Variants in SCAF8 observed in about 807,000 individuals in gnomAD.
SCAF8 encodes the protein SR-related and CTD-associated factor 8.
A neutral mutation model predicts 140.5 loss-of-function variants in SCAF8; 23 were observed. The ratio of observed to expected loss-of-function variants is 0.16; its 90% CI spans 0.12 to 0.23. SCAF8 has a LOEUF of 0.23. SCAF8 is among the 10% of genes least tolerant of loss of function. SCAF8 has a pLI of 1.00. For synonymous variants in SCAF8, 575 were observed against 528.9 expected (o/e 1.09, Z -1.20); for missense variants, 1,397 against 1,555.7 (o/e 0.90, Z 1.72).
intron 6 of SCAF8, among the ~76,000 whole-genome samples, chr6:154,798,735 T>C (rs1777681925): frequency 6.6e-6 from 1 of 151,374 alleles, no homozygotes; most frequent in African/African-American, 2.4e-5. Context: ...TGAGAGTTCA[T>C]GCAACTCCTC....
intron 12 of SCAF8, among the ~76,000 whole-genome samples, 157 bp downstream of exon 12, chr6:154,810,365 G>C (rs1778055029): frequency 6.6e-6 from 1 of 151,978 alleles, no homozygotes; most frequent in African/African-American, 2.4e-5. Flanking sequence ...TGATAGAGAA[G>C]AGAAGAAGAA....
chr6:154,755,582 T>C (rs1778947756), intron 1 of SCAF8, among the ~76,000 whole-genome samples: 1 of 152,222 alleles, frequency 6.6e-6, no homozygotes, highest in Admixed American at 6.5e-5. Flanking sequence ...GTGATATTGC[T>C]TGAATCATTT....
chr6:154,758,570 C>A (rs1389012936), intron 1 of SCAF8, among the ~76,000 whole-genome samples: 4 of 152,202 alleles, frequency 2.6e-5, no homozygotes, highest in Non-Finnish European at 5.9e-5. Context: ...TCTTCTCTTT[C>A]TCTTTCTAGG....
At chr6:154,804,036 A>G (rs1471487687) in intron 8 of SCAF8, among the ~76,000 whole-genome samples, 2 of 147,968 alleles carry the variant, frequency 1.4e-5, no homozygotes, top group African/African-American at 2.5e-5. Flanking sequence ...AGTTATGAGG[A>G]TTTTTTTTTT....
At chr6:154,816,486 ATTGTTCTT>A (rs1178912831) in intron 13 of SCAF8, among the ~76,000 whole-genome samples, 1 of 146,638 alleles carries the variant, frequency 6.8e-6, no homozygotes, top group Non-Finnish European at 1.5e-5. Context: ...AGCTATTTTA[ATTGTTCTT>A]TTATTTAAAA....
In SCAF8 at chr6:154,824,348, G is replaced by A; in HGVS notation, c.2041G>A (p.Ala681Thr). The A allele has an allele frequency of 6.2e-7, 1 of 1,613,894 alleles. No homozygotes were observed. The highest frequency in any genetic ancestry group is 8.5e-7 in the Non-Finnish European group (1 of 1,179,826). ...AATCCCTCCACCTCCTTTTTTAAGA[G>A]CAAGTTTTAACCCTTCACAACCACC... is the stretch of plus-strand genomic sequence containing the variant. ...SPIPPPPFLR[A>T]SFNPSQPPPG... The change falls in exon 17 of 20, where the codon GCA becomes ACA. Residue 681 changes from alanine to threonine, a missense_variant. Ala to Thr is a moderately conservative substitution (Grantham distance 58). This residue lies in a region of SCAF8 where 930 missense variants were observed against 874.6 expected (regional missense o/e 1.06). Coordinates refer to ENST00000367178, the MANE Select transcript of SCAF8 (RefSeq NM_014892.5).
chr6:154,783,500 A>G (rs896480411), intron 3 of SCAF8, among the ~76,000 whole-genome samples: 4 of 152,162 alleles, frequency 2.6e-5, no homozygotes, highest in African/African-American at 4.8e-5. Context: ...TTCCTGCTAC[A>G]TATTTAGTAA....
chr6:154,768,638 A>G (rs1776650720), intron 1 of SCAF8, among the ~76,000 whole-genome samples: 1 of 152,236 alleles, frequency 6.6e-6, no homozygotes, highest in Non-Finnish European at 1.5e-5. Flanking sequence ...ACTAGTATCT[A>G]CATATATTGT....
rs550321620 is a variant in SCAF8, at chr6:154,816,870, TTAAG to T, written c.1521+1058_1521+1061del. Among the ~76,000 whole-genome samples the T allele has an allele frequency of 4.6e-3, 702 of 152,292 alleles. 8 individuals carry two copies. Among genetic ancestry groups the T allele is most frequent in the African/African-American group, 0.016 (663 of 41,558 alleles). On this transcript the variant is annotated intron_variant, in intron 13 of 19. Coordinates refer to ENST00000367178, the MANE Select transcript of SCAF8 (RefSeq NM_014892.5). ...TTTTTGGAGCCTCATAAGAAGCTGG[TTAAG>T]TAATTCAAATACTGTTGTTTTCTAA...
At chr6:154,794,534 T>C (rs940032687) in intron 5 of SCAF8, among the ~76,000 whole-genome samples, 2 of 150,648 alleles carry the variant, frequency 1.3e-5, no homozygotes, top group African/African-American at 4.8e-5. Context: ...GTATAGTTTA[T>C]TATTAGTTAG....
rs1369614162 is a variant in SCAF8, at chr6:154,822,304, T to C, written c.1821T>C (p.Pro607=). The C allele has an allele frequency of 8.7e-6, 14 of 1,612,876 alleles. No homozygotes were observed. Among genetic ancestry groups the C allele is most frequent in the Non-Finnish European group, 1.2e-5 (14 of 1,179,362 alleles). The change falls in exon 16 of 20, where the codon CCT becomes CCC. Residue 607 remains proline (P), a synonymous_variant. Coordinates refer to ENST00000367178, the MANE Select transcript of SCAF8 (RefSeq NM_014892.5). ...GGGAAACTGTGAAAAGCTCAGAACCTGTTAAAGAGACGGTCCAGACAACTC... is the reference window on the plus strand; with the variant it reads ...GGGAAACTGTGAAAAGCTCAGAACCCGTTAAAGAGACGGTCCAGACAACTC... The part of the protein sequence containing the change: ...TEWETVKSSE[P]VKETVQTTQS...
intron 17 of SCAF8, among the ~76,000 whole-genome samples, chr6:154,825,693 C>T (rs1041335654): frequency 1.4e-5 from 2 of 145,326 alleles, no homozygotes; most frequent in African/African-American, 5.1e-5. Flanking sequence ...ATTATTAGAC[C>T]ATGGGAGGTT....
chr6:154,746,725 A>C (rs1048525354), intron 1 of SCAF8, among the ~76,000 whole-genome samples: 2 of 152,234 alleles, frequency 1.3e-5, no homozygotes, highest in African/African-American at 4.8e-5. Flanking sequence ...TGTAGTTAAA[A>C]TACTATGTAC....
chr6:154,799,514 C>T (rs925576577), intron 6 of SCAF8, among the ~76,000 whole-genome samples: 1 of 151,326 alleles, frequency 6.6e-6, no homozygotes, highest in African/African-American at 2.4e-5. Context: ...TCATAGACTT[C>T]TCTAACTAAT....
At chr6:154,771,893 A>G (rs904564828) in intron 1 of SCAF8, among the ~76,000 whole-genome samples, 7 of 152,098 alleles carry the variant, frequency 4.6e-5, no homozygotes, top group African/African-American at 1.2e-4. Flanking sequence ...TTGGGGGGGA[A>G]AAAAAGAAAA....
intron 10 of SCAF8, 81 bp downstream of exon 10, chr6:154,808,282 C>T: frequency 7.5e-7 from 1 of 1,328,026 alleles, no homozygotes; most frequent in Non-Finnish European, 1.1e-6. Context: ...TAGCAGTGCC[C>T]TGAATATATT....
intron 1 of SCAF8, among the ~76,000 whole-genome samples, chr6:154,765,441 GC>G (rs1231142982): frequency 1.6e-4 from 24 of 152,172 alleles, no homozygotes; most frequent in Non-Finnish European, 2.6e-4. Flanking sequence ...TTTATAAAGA[GC>G]CATAAAACAG....
In SCAF8 at chr6:154,826,021, A is replaced by G. The variant is rs149667182; in HGVS notation, c.2072-1151A>G. 4.1e-3 allele frequency among the ~76,000 whole-genome samples: 629 copies of G among 152,248 alleles called. 16 individuals carry two copies. The highest frequency in any genetic ancestry group is 0.034 in the Admixed American group (527 of 15,292). On this transcript the variant is annotated intron_variant, in intron 17 of 19. Transcript: ENST00000367178. The stretch of plus-strand genomic sequence containing the variant: ...CATATTATAAGAGAAGAAATACGGT[A>G]TGTTGACTTCTGTAACTTAAGTTCT...
chr6:154,756,609 CTGTT>C lies in SCAF8; in HGVS notation c.31-17377_31-17374del, dbSNP rs147205141. On this transcript the variant is annotated intron_variant, in intron 1 of 19. Coordinates refer to ENST00000367178, the MANE Select transcript of SCAF8 (RefSeq NM_014892.5). ...AGTTGATTATACCTTGATAGTAAAA[CTGTT>C]TGAGTTAGAACATGATGATTAACTC... is the stretch of plus-strand genomic sequence containing the variant. 8.2e-3 allele frequency among the ~76,000 whole-genome samples: 1,250 copies of C among 152,270 alleles called. 8 individuals are homozygous for C. The highest frequency in any genetic ancestry group is 0.012 in the Non-Finnish European group (799 of 68,010).
Sources: allele counts gnomAD v4.1 joint callset (sites outside exome capture counted in the v4.1 genomes callset), GRCh38; gene constraint gnomAD v4.1.1; regional missense constraint gnomAD v4.1.1; transcripts MANE v1.5; gene names NCBI Gene and HGNC (gene_info 2026-07-23, HGNC 2026-07-21).